Variants in LGR6 observed in about 807,000 individuals in gnomAD.
LGR6 encodes the protein leucine rich repeat containing G protein-coupled receptor 6.
Under a neutral mutation model 69.4 loss-of-function variants are expected in LGR6, and 45 were observed. That is an observed-to-expected ratio of 0.65 (90% CI 0.51 to 0.83). LGR6 has a LOEUF of 0.83. LGR6 is among the 40% of genes least tolerant of loss of function. The pLI, the probability that LGR6 is intolerant of heterozygous loss-of-function variation, is 0.00. For synonymous variants in LGR6, 538 were observed against 555.0 expected, an observed-to-expected ratio of 0.97 and a Z score of 0.43; for missense variants, 1,108 against 1,246.7, an observed-to-expected ratio of 0.89 and a Z score of 1.68.
intron 4 of LGR6, among the ~76,000 whole-genome samples, chr1:202,257,269 T>G (rs1295299344): frequency 6.6e-6 from 1 of 152,220 alleles, no homozygotes; most frequent in Non-Finnish European, 1.5e-5. Context: ...ACTTTCTTTA[T>G]CATATCCTTT....
At chr1:202,214,990 G>GGTGT (rs3221675) in intron 1 of LGR6, among the ~76,000 whole-genome samples, 31,074 of 145,328 alleles carry the variant, frequency 0.21, 3,716 homozygotes, top group East Asian at 0.37. Flanking sequence ...GGTGCACCTG[G>GGTGT]GTGTGTGTGT....
chr1:202,244,315 G>A (rs1004435753), intron 4 of LGR6, among the ~76,000 whole-genome samples: 11 of 152,150 alleles, frequency 7.2e-5, no homozygotes, highest in Admixed American at 2.0e-4. Flanking sequence ...GAAAATTAAG[G>A]ACCACTGTTA....
At chr1:202,238,076 T>C (rs1192978980) in intron 4 of LGR6, among the ~76,000 whole-genome samples, 1 of 151,950 alleles carries the variant, frequency 6.6e-6, no homozygotes, top group African/African-American at 2.4e-5. Context: ...TCCGCCGTTT[T>C]TTTGTTTTGT....
intron 14 of LGR6, among the ~76,000 whole-genome samples, chr1:202,308,121 C>T (rs548768918): frequency 3.0e-4 from 46 of 152,308 alleles, no homozygotes; most frequent in African/African-American, 9.1e-4. Context: ...GACCATCCAG[C>T]CCCACCCGCT....
chr1:202,247,929 C>G (rs1014033988), intron 4 of LGR6, among the ~76,000 whole-genome samples: 1 of 152,184 alleles, frequency 6.6e-6, no homozygotes, highest in African/African-American at 2.4e-5. Flanking sequence ...TTTGCCTGCC[C>G]CCTCCTCCTC....
intron 7 of LGR6, chr1:202,298,829 A>G (rs1232562971): frequency 6.6e-6 from 1 of 152,150 alleles, no homozygotes; most frequent in Non-Finnish European, 1.5e-5. Flanking sequence ...CCAGCTTAGT[A>G]TCTTTATAGC....
chr1:202,267,752 A>G (rs1171454660), intron 4 of LGR6, among the ~76,000 whole-genome samples: 1 of 152,244 alleles, frequency 6.6e-6, no homozygotes, highest in Admixed American at 6.5e-5. Flanking sequence ...ACAGCAAAGT[A>G]TATAGTCTAA....
chr1:202,253,785 C>T (rs558172588), intron 4 of LGR6, among the ~76,000 whole-genome samples: 7 of 146,712 alleles, frequency 4.8e-5, no homozygotes, highest in African/African-American at 7.6e-5. Context: ...TATGCCACCA[C>T]GCCTGGCTAA....
chr1:202,319,294 C>A lies in LGR6; in HGVS notation c.*87C>A. On this transcript the variant is annotated 3_prime_UTR_variant, in exon 18 of 18. Transcript: ENST00000367278. ...ATGGCTGCTTCTAAAACAAATACAA[C>A]CAAAACTCAGCAGTGTGATCTATAG... 1 of 1,381,262 alleles carries A rather than the reference C, an allele frequency of 7.2e-7. No homozygotes were observed. The highest frequency in any genetic ancestry group is 9.7e-7 in the Non-Finnish European group (1 of 1,035,346). 85.6% of individuals were successfully genotyped at this position (1,381,262 alleles called of 1,614,324 possible).
intron 6 of LGR6, 167 bp downstream of exon 6, chr1:202,281,019 T>G (rs1249582053): frequency 1.7e-6 from 1 of 599,678 alleles, no homozygotes; most frequent in African/African-American, 1.9e-5. Context: ...CTCTGGAATA[T>G]CACTGAGAAT....
chr1:202,253,561 C>G (rs1286146653), intron 4 of LGR6, among the ~76,000 whole-genome samples: 1 of 151,782 alleles, frequency 6.6e-6, no homozygotes, highest in Non-Finnish European at 1.5e-5. Context: ...CCTCGGCCTC[C>G]CAAAGTGCTG....
chr1:202,250,251 C>T (rs1184682322), intron 4 of LGR6, among the ~76,000 whole-genome samples: 1 of 152,180 alleles, frequency 6.6e-6, no homozygotes, highest in Non-Finnish European at 1.5e-5. Flanking sequence ...CTGATTCATT[C>T]AGCTGCCTCT....
intron 4 of LGR6, among the ~76,000 whole-genome samples, chr1:202,272,862 C>T (rs532645425): frequency 6.6e-6 from 1 of 152,346 alleles, no homozygotes; most frequent in South Asian, 2.1e-4. Flanking sequence ...CCTGCCCTGA[C>T]CCACTTCCTG....
At chr1:202,243,540 G>A (rs1280946573) in intron 4 of LGR6, among the ~76,000 whole-genome samples, 1 of 152,196 alleles carries the variant, frequency 6.6e-6, no homozygotes, top group Non-Finnish European at 1.5e-5. Context: ...GTGAGGAGTA[G>A]CAATGCAATT....
rs76490279 is a variant in LGR6 at position 202,214,069 on chromosome 1, G to A, written c.213-11354G>A. On this transcript the variant is annotated intron_variant, in intron 1 of 17. Coordinates refer to ENST00000367278, the MANE Select transcript of LGR6 (RefSeq NM_001017403.2). Reference sequence around the variant, plus strand: ...GCTATCCAGAGGGAAGGGCATACGAGAGAAGCGGCAGAACGAGAGAGGATC... The same window carrying A: ...GCTATCCAGAGGGAAGGGCATACGAAAGAAGCGGCAGAACGAGAGAGGATC... 6,217 of 1,360,922 alleles carry A rather than the reference G, an allele frequency of 4.6e-3. 257 individuals are homozygous for A. In the African/African-American group the frequency reaches 0.083, roughly 18 times the overall value. The allele number at this position is 1,360,922 out of a possible 1,614,324, so 84.3% of individuals were successfully genotyped here. A position where few individuals can be genotyped will look rare whatever the true frequency, so the allele number is the denominator to read the frequency against.
chr1:202,264,071 G>A (rs12119766), intron 4 of LGR6, among the ~76,000 whole-genome samples: 6,733 of 152,196 alleles, frequency 0.044, 232 homozygotes, highest in Non-Finnish European at 0.068. Context: ...GTGGGGCCAG[G>A]AAATAGGGAG....
At chr1:202,301,670 C>CT (rs1667605114) in intron 9 of LGR6, among the ~76,000 whole-genome samples, 1 of 152,162 alleles carries the variant, frequency 6.6e-6, no homozygotes, top group Non-Finnish European at 1.5e-5. Context: ...AAGGTGCTCT[C>CT]TATTTCCCCT....
intron 1 of LGR6, chr1:202,197,447 A>G (rs773049744): frequency 5.6e-6 from 3 of 533,422 alleles, no homozygotes; most frequent in South Asian, 4.2e-5. Context: ...CTTAAACTAT[A>G]GTCTCAGCGA....
intron 6 of LGR6, among the ~76,000 whole-genome samples, chr1:202,283,663 C>T (rs1399560656): frequency 6.6e-6 from 1 of 152,160 alleles, no homozygotes; most frequent in African/African-American, 2.4e-5. Flanking sequence ...GGGCCAGGTG[C>T]GGGCATGCAC....
Sources: allele counts gnomAD v4.1 joint callset (sites outside exome capture counted in the v4.1 genomes callset), GRCh38; gene constraint gnomAD v4.1.1; transcripts MANE v1.5; gene names NCBI Gene and HGNC (gene_info 2026-07-23, HGNC 2026-07-21).